RAB27B: variants seen among roughly 807,000 people sequenced by gnomAD.
RAB27B encodes the protein ras-related protein Rab-27B.
Under a neutral mutation model 24.6 loss-of-function variants are expected in RAB27B, and 15 were observed. The observed-to-expected ratio is 0.61, with a 90% CI of 0.41 to 0.94. The LOEUF (loss-of-function observed/expected upper bound fraction) is 0.94. Ranked by LOEUF, RAB27B falls within the 40% of genes least tolerant of loss-of-function variation. RAB27B has a pLI of 0.00. For missense variants in RAB27B, 261 were observed against 266.8 expected (o/e 0.98, Z 0.15); for synonymous variants, 105 against 92.5 (o/e 1.14, Z -0.78).
chr18:54,835,994 T>C (rs565777756), intron 1 of RAB27B, among the ~76,000 whole-genome samples: 5 of 152,088 alleles, frequency 3.3e-5, no homozygotes, highest in Admixed American at 6.5e-5. Context: ...AATTTATGCA[T>C]CTGTGATTAC....
intron 2 of RAB27B, among the ~76,000 whole-genome samples, chr18:54,750,799 C>T (rs139663423): frequency 1.3e-5 from 2 of 152,206 alleles, no homozygotes; most frequent in Non-Finnish European, 2.9e-5. Flanking sequence ...AAGCAAAGAA[C>T]CCATAAGTCA....
chr18:54,872,874 T>C (rs1598982306), intron 1 of RAB27B, among the ~76,000 whole-genome samples: 1 of 152,142 alleles, frequency 6.6e-6, no homozygotes, highest in Non-Finnish European at 1.5e-5. Flanking sequence ...TCCTTCTATA[T>C]GGCAGCCACT....
At chr18:54,789,957 A>G (rs933297110) in intron 2 of RAB27B, among the ~76,000 whole-genome samples, 1 of 152,058 alleles carries the variant, frequency 6.6e-6, no homozygotes, top group African/African-American at 2.4e-5. Flanking sequence ...TTAAAACCAA[A>G]TTCTGTAATT....
chr18:54,865,632 T>C (rs1036297033), intron 1 of RAB27B, among the ~76,000 whole-genome samples: 1 of 152,208 alleles, frequency 6.6e-6, no homozygotes, highest in Non-Finnish European at 1.5e-5. Flanking sequence ...CAGAAGTTCT[T>C]TGATCCATTT....
chr18:54,751,156 A>G (rs1907818088), intron 2 of RAB27B, among the ~76,000 whole-genome samples: 1 of 152,182 alleles, frequency 6.6e-6, no homozygotes, highest in South Asian at 2.1e-4. Flanking sequence ...TTTAAGAAAG[A>G]CAATACTAGG....
chr18:54,781,546 C>T (rs1314083741), intron 2 of RAB27B, among the ~76,000 whole-genome samples: 1 of 152,046 alleles, frequency 6.6e-6, no homozygotes, highest in Non-Finnish European at 1.5e-5. Flanking sequence ...CTTGCACAGA[C>T]TGGTCTTGAA....
At chr18:54,838,193 T>C (rs1477953839) in intron 1 of RAB27B, among the ~76,000 whole-genome samples, 1 of 152,174 alleles carries the variant, frequency 6.6e-6, no homozygotes, top group Non-Finnish European at 1.5e-5. Flanking sequence ...CATAACAAAA[T>C]GTATCTTGAT....
Position 54,796,913 on chromosome 18 carries a change from A to T in RAB27B, c.-20+78772A>T, listed in dbSNP as rs575763441. On this transcript the variant is annotated intron_variant, in intron 2 of 4. Coordinates refer to the RAB27B transcript ENST00000586570. ...ATAGTTGTAATAAGAGTTTGGCCAC[A>T]CAGTAGTTGGTCCTGAGCAAGATGT... 2.0e-5 allele frequency among the ~76,000 whole-genome samples: 3 copies of T among 152,334 alleles called. No homozygotes were observed. In the South Asian group the frequency reaches 6.2e-4, roughly 32 times the overall value.
At chr18:54,760,025 T>C (rs1908133684) in intron 2 of RAB27B, among the ~76,000 whole-genome samples, 1 of 152,200 alleles carries the variant, frequency 6.6e-6, no homozygotes, top group Admixed American at 6.5e-5. Context: ...CAAACCGAGC[T>C]GTTAAATACA....
chr18:54,814,810 C>T (rs1026974127), intron 2 of RAB27B, among the ~76,000 whole-genome samples: 2 of 152,130 alleles, frequency 1.3e-5, no homozygotes, highest in Non-Finnish European at 2.9e-5. Flanking sequence ...AGTATATATA[C>T]TACAAATAGT....
intron 2 of RAB27B, among the ~76,000 whole-genome samples, chr18:54,759,048 T>G (rs923339012): frequency 1.3e-5 from 2 of 152,222 alleles, no homozygotes; most frequent in African/African-American, 4.8e-5. Context: ...AAGTTTTGTA[T>G]TCTATCAGTG....
chr18:54,884,558 A>G (rs1435779973), intron 4 of RAB27B, 122 bp downstream of exon 4: 2 of 637,976 alleles, frequency 3.1e-6, no homozygotes, highest in Middle Eastern at 3.1e-4. Flanking sequence ...TCATGAGTTT[A>G]GTGTTGCCTG....
Position 54,846,147 on chromosome 18 carries a change from A to C in RAB27B, c.-20+17447A>C, listed in dbSNP as rs139579590. Among the ~76,000 whole-genome samples the C allele has an allele frequency of 3.7e-4, 57 of 152,344 alleles. No homozygotes were observed. In the East Asian group the frequency reaches 0.011, roughly 28 times the overall value. On this transcript the variant is annotated intron_variant, in intron 1 of 5. Transcript: ENST00000262094. ...CTGTCTAATGTTCCTAAAGGCAAGC[A>C]GGCTATATGTGCCTTAAGGAGAAGA...
chr18:54,859,681 G>A (rs1911935076), intron 1 of RAB27B, among the ~76,000 whole-genome samples: 1 of 152,194 alleles, frequency 6.6e-6, no homozygotes, highest in East Asian at 1.9e-4. Flanking sequence ...TTGTGCTAAT[G>A]ATGACTTTTC....
intron 1 of RAB27B, among the ~76,000 whole-genome samples, chr18:54,837,662 C>A (rs1468225139): frequency 1.3e-5 from 2 of 152,008 alleles, no homozygotes; most frequent in Non-Finnish European, 2.9e-5. Context: ...GTGGAGTAAC[C>A]ATAAGAGAGG....
chr18:54,760,182 C>A (rs1908140100), intron 2 of RAB27B, among the ~76,000 whole-genome samples: 1 of 152,194 alleles, frequency 6.6e-6, no homozygotes, highest in African/African-American at 2.4e-5. Flanking sequence ...CTCATCCCAG[C>A]CCCTGCACCC....
chr18:54,720,511 C>T (rs1248832780), intron 2 of RAB27B, among the ~76,000 whole-genome samples: 2 of 152,028 alleles, frequency 1.3e-5, no homozygotes. Flanking sequence ...TTAGACATTT[C>T]TAAAAGACAG....
intron 1 of RAB27B, among the ~76,000 whole-genome samples, chr18:54,858,331 A>T (rs542226126): frequency 2.0e-5 from 3 of 152,016 alleles, no homozygotes; most frequent in African/African-American, 7.2e-5. Flanking sequence ...CTTTTGTTGT[A>T]AGAATAACAC....
rs116805885 is a variant in RAB27B at position 54,853,153 on chromosome 18, G to A, written c.-19-24414G>A. Among the ~76,000 whole-genome samples the A allele has an allele frequency of 2.2e-3, 329 of 152,256 alleles. 2 individuals carry two copies. The highest frequency in any genetic ancestry group is 7.2e-3 in the African/African-American group (299 of 41,540). ...CAGTAAAGGTTGGATGAACTGTCTT[G>A]ACGTTCTTTTTGAAAACTGAGGATA... On this transcript the variant is annotated intron_variant, in intron 1 of 5. Transcript: ENST00000262094.
Sources: allele counts gnomAD v4.1 joint callset (sites outside exome capture counted in the v4.1 genomes callset), GRCh38; gene constraint gnomAD v4.1.1; transcripts MANE v1.5; gene names NCBI Gene and HGNC (gene_info 2026-07-23, HGNC 2026-07-21).